The following PCBP3 variants were observed in gnomAD, a reference collection of about 807,000 sequenced individuals.
PCBP3 encodes poly(rC) binding protein 3, also known as poly(rC)-binding protein 3.
Under a neutral mutation model 52.7 loss-of-function variants are expected in PCBP3, and 25 were observed. The observed-to-expected ratio is 0.47, with a 90% CI of 0.35 to 0.66. PCBP3 has a LOEUF of 0.66. Among genes scored for constraint, PCBP3 ranks in the 30% least tolerant of loss-of-function variants. PCBP3 has a pLI of 0.01. For synonymous variants in PCBP3, 162 were observed against 183.0 expected (o/e 0.89, Z 0.93); for missense variants, 391 against 490.3 (o/e 0.80, Z 1.91).
intron 2 of PCBP3, among the ~76,000 whole-genome samples, chr21:45,688,207 G>A (rs2082264056): frequency 6.6e-6 from 1 of 152,110 alleles, no homozygotes; most frequent in African/African-American, 2.4e-5. Context: ...GAATAGAAGA[G>A]TTGAACAACA....
intron 15 of PCBP3, among the ~76,000 whole-genome samples, chr21:45,931,902 G>A (rs59161487): frequency 6.6e-6 from 1 of 151,170 alleles, no homozygotes; most frequent in African/African-American, 2.4e-5. Context: ...GCTGTCCTGA[G>A]ATGAACAAAC....
At chr21:45,807,416 A>G (rs1315208466) in intron 4 of PCBP3, among the ~76,000 whole-genome samples, 2 of 152,240 alleles carry the variant, frequency 1.3e-5, no homozygotes, top group Non-Finnish European at 1.5e-5. Context: ...CCAAATCATG[A>G]GTGAACTCCC....
intron 16 of PCBP3, 127 bp from the exon 17 acceptor site, chr21:45,939,903 G>A (rs1315889684): frequency 6.2e-6 from 5 of 808,212 alleles, no homozygotes; most frequent in Non-Finnish European, 9.9e-6. Flanking sequence ...GGGGTGTTGA[G>A]CTCAGGTCTT....
At chr21:45,752,023 T>G (rs1413675109) in intron 3 of PCBP3, among the ~76,000 whole-genome samples, 1 of 152,216 alleles carries the variant, frequency 6.6e-6, no homozygotes, top group Non-Finnish European at 1.5e-5. Flanking sequence ...ATCTTAGAGA[T>G]ATTATTTCTT....
At chr21:45,673,944 A>G (rs1021243963) in intron 2 of PCBP3, among the ~76,000 whole-genome samples, 3 of 152,184 alleles carry the variant, frequency 2.0e-5, no homozygotes, top group African/African-American at 4.8e-5. Context: ...GAAACAATCC[A>G]AAATGGTGAC....
At chr21:45,660,913 T>A (rs2080347628) in intron 1 of PCBP3, among the ~76,000 whole-genome samples, 1 of 152,106 alleles carries the variant, frequency 6.6e-6, no homozygotes, top group Admixed American at 6.6e-5. Context: ...TGGTGGTGCA[T>A]GCCTGTAATT....
At chr21:45,847,230 G>C (rs561941216) in intron 4 of PCBP3, among the ~76,000 whole-genome samples, 28 of 152,072 alleles carry the variant, frequency 1.8e-4, no homozygotes, top group African/African-American at 6.8e-4. Flanking sequence ...ATTTTGGCTT[G>C]TCTGGTGGGA....
chr21:45,799,847 A>G (rs1287439850), intron 4 of PCBP3, among the ~76,000 whole-genome samples: 1 of 152,256 alleles, frequency 6.6e-6, no homozygotes, highest in African/African-American at 2.4e-5. Flanking sequence ...TGATTAAAAA[A>G]TAATGAGCTG....
chr21:45,868,777 G>A (rs1298015016), intron 5 of PCBP3, among the ~76,000 whole-genome samples: 4 of 152,344 alleles, frequency 2.6e-5, no homozygotes, highest in East Asian at 3.9e-4. Context: ...AGGACGGGGT[G>A]GCCGAGACAG....
chr21:45,910,017 C>G (rs115006847), intron 10 of PCBP3, among the ~76,000 whole-genome samples: 4,641 of 46,806 alleles, frequency 0.099, 519 homozygotes, highest in East Asian at 0.37. Context: ...AAATATGGAC[C>G]TGGCCCACCC....
At chr21:45,905,645 CTCTT>C (rs2096184160) in intron 9 of PCBP3, among the ~76,000 whole-genome samples, 1 of 152,216 alleles carries the variant, frequency 6.6e-6, no homozygotes, top group Non-Finnish European at 1.5e-5. Flanking sequence ...TGAGGCCTCT[CTCTT>C]TGGCTTGCAG....
intron 2 of PCBP3, among the ~76,000 whole-genome samples, chr21:45,730,438 TA>T (rs1169817076): frequency 1.3e-5 from 2 of 151,988 alleles, no homozygotes; most frequent in Non-Finnish European, 2.9e-5. Flanking sequence ...TATTGAAATT[TA>T]AAAAAAATTT....
At chr21:45,719,324 C>G (rs974227283) in intron 2 of PCBP3, among the ~76,000 whole-genome samples, 2 of 152,022 alleles carry the variant, frequency 1.3e-5, no homozygotes, top group African/African-American at 4.8e-5. Context: ...GAGGGGCCAT[C>G]ACTGAGAGAG....
chr21:45,835,130 T>C (rs1270007849), intron 4 of PCBP3, among the ~76,000 whole-genome samples: 1 of 151,886 alleles, frequency 6.6e-6, no homozygotes, highest in Non-Finnish European at 1.5e-5. Flanking sequence ...ATCATAGGAG[T>C]TAGGTACATC....
chr21:45,658,238 A>G (rs759863515), intron 1 of PCBP3, among the ~76,000 whole-genome samples: 12 of 152,178 alleles, frequency 7.9e-5, no homozygotes, highest in Non-Finnish European at 1.2e-4. Flanking sequence ...TGAATTCCCT[A>G]GATAAATCCC....
intron 4 of PCBP3, among the ~76,000 whole-genome samples, chr21:45,815,427 G>A: frequency 8.8e-6 from 1 of 113,876 alleles, no homozygotes; most frequent in East Asian, 3.0e-4. Context: ...TGAGTGAGTG[G>A]TGAGTGGTGA....
intron 2 of PCBP3, among the ~76,000 whole-genome samples, chr21:45,680,724 A>G (rs1300318531): frequency 1.3e-5 from 2 of 152,184 alleles, no homozygotes; most frequent in Non-Finnish European, 2.9e-5. Flanking sequence ...TTCCAGCACT[A>G]CGTGGAATAT....
chr21:45,706,108 A>T (rs1160021848), intron 2 of PCBP3, among the ~76,000 whole-genome samples: 2 of 152,238 alleles, frequency 1.3e-5, no homozygotes, highest in Non-Finnish European at 2.9e-5. Flanking sequence ...TCATTGCTGC[A>T]GTACATCAAA....
At position 45,928,429 on chromosome 21, in the gene PCBP3, G is replaced by A. The variant is rs1049912533; in HGVS notation, c.718-1488G>A. Among the ~76,000 whole-genome samples, 1 of 152,206 alleles carries A rather than the reference G, an allele frequency of 6.6e-6. No individual in the cohort carries two copies. Among genetic ancestry groups the A allele is most frequent in the South Asian group, 2.1e-4 (1 of 4,828 alleles). On this transcript the variant is annotated intron_variant, in intron 13 of 17. Transcript: ENST00000681687. The surrounding 1 kb of genome is among the most constrained non-coding windows in gnomAD (Gnocchi z 4.1). ...TCCTCCCAGGGTACTAGGTACTGAGGAAGGAAGGGCCTTTATCTTGACTCT... is the reference window on the plus strand; with the variant it reads ...TCCTCCCAGGGTACTAGGTACTGAGAAAGGAAGGGCCTTTATCTTGACTCT...
Sources: allele counts gnomAD v4.1 joint callset (sites outside exome capture counted in the v4.1 genomes callset), GRCh38; gene constraint gnomAD v4.1.1; non-coding constraint Gnocchi (gnomAD v3.1); transcripts MANE v1.5; gene names NCBI Gene and HGNC (gene_info 2026-07-23, HGNC 2026-07-21).